Variants in P3H2 observed in about 807,000 individuals in gnomAD.
P3H2 encodes the protein leprecan-like 1.
In P3H2, 80 loss-of-function variants were observed where a neutral mutation model predicts 87.0. That is an observed-to-expected ratio of 0.92 (90% CI 0.77 to 1.11). The LOEUF (loss-of-function observed/expected upper bound fraction) is 1.11, where lower values mean the gene tolerates loss of function less well. P3H2 is among the 50% of genes least tolerant of loss of function. The probability of loss-of-function intolerance (pLI) is 0.00; values close to 1 mark genes in which losing one functional copy is unlikely to be tolerated. For missense variants in P3H2, 1,001 were observed against 923.9 expected (o/e 1.08, Z -1.08); for synonymous variants, 367 against 359.3 (o/e 1.02, Z -0.24).
intron 1 of P3H2, among the ~76,000 whole-genome samples, chr3:190,011,283 A>T (rs934435119): frequency 6.6e-6 from 1 of 151,992 alleles, no homozygotes; most frequent in African/African-American, 2.4e-5. Context: ...AAAAAAAAAA[A>T]AAAAATAGAG....
intron 1 of P3H2, among the ~76,000 whole-genome samples, chr3:190,066,611 C>T (rs1176916794): frequency 6.6e-6 from 1 of 151,876 alleles, no homozygotes; most frequent in Non-Finnish European, 1.5e-5. Flanking sequence ...TAACTGAACA[C>T]CACCTGTTCC....
intron 1 of P3H2, among the ~76,000 whole-genome samples, chr3:190,080,712 C>T (rs1727016607): frequency 6.6e-6 from 1 of 151,924 alleles, no homozygotes; most frequent in South Asian, 2.1e-4. Context: ...GAGATTTGAG[C>T]ATTTTTTCTA....
At chr3:190,090,624 A>C (rs1727378423) in intron 1 of P3H2, among the ~76,000 whole-genome samples, 1 of 152,084 alleles carries the variant, frequency 6.6e-6, no homozygotes, top group Non-Finnish European at 1.5e-5. Flanking sequence ...AATGGTGTGA[A>C]GCTGGGAGGC....
chr3:189,966,151 G>T (rs1006654701), intron 13 of P3H2, among the ~76,000 whole-genome samples: 1 of 141,652 alleles, frequency 7.1e-6, no homozygotes. Flanking sequence ...AAGAAAGAAA[G>T]AAAGAAAGAA....
intron 1 of P3H2, among the ~76,000 whole-genome samples, chr3:190,043,485 A>T (rs1205687877): frequency 6.6e-6 from 1 of 152,224 alleles, no homozygotes; most frequent in East Asian, 1.9e-4. Flanking sequence ...AGAACAGCAG[A>T]GTGCAGGTCA....
intron 1 of P3H2, among the ~76,000 whole-genome samples, chr3:190,107,771 C>G (rs1298120520): frequency 6.6e-6 from 1 of 152,138 alleles, no homozygotes; most frequent in African/African-American, 2.4e-5. Flanking sequence ...TGTTTCATAT[C>G]TTACTATACA....
At chr3:190,107,441 ACTC>A (rs1711890512) in intron 1 of P3H2, among the ~76,000 whole-genome samples, 1 of 152,078 alleles carries the variant, frequency 6.6e-6, no homozygotes, top group African/African-American at 2.4e-5. Context: ...CTATTTTCTC[ACTC>A]CTAATTTTAT....
At chr3:190,032,619 T>C (rs1439245206) in intron 1 of P3H2, among the ~76,000 whole-genome samples, 1 of 152,230 alleles carries the variant, frequency 6.6e-6, no homozygotes, top group East Asian at 1.9e-4. Flanking sequence ...TGGGTACATT[T>C]AGAGCTTTGG....
At chr3:190,046,241 G>C (rs1725800543) in intron 1 of P3H2, among the ~76,000 whole-genome samples, 1 of 151,882 alleles carries the variant, frequency 6.6e-6, no homozygotes, top group African/African-American at 2.4e-5. Flanking sequence ...TACATCTCTT[G>C]TGATCTATCT....
At chr3:190,066,340 C>T (rs1038902841) in intron 1 of P3H2, among the ~76,000 whole-genome samples, 3 of 151,828 alleles carry the variant, frequency 2.0e-5, no homozygotes, top group East Asian at 3.9e-4. Flanking sequence ...TTCACACCAA[C>T]CTGTATGGGA....
At chr3:189,968,302 T>A (rs2108905947) in intron 13 of P3H2, among the ~76,000 whole-genome samples, 1 of 152,246 alleles carries the variant, frequency 6.6e-6, no homozygotes, top group East Asian at 1.9e-4. Context: ...TGTCCATGTG[T>A]TCTCATTGTT....
chr3:190,014,107 A>G lies in P3H2; in HGVS notation c.481-18665T>C, dbSNP rs749042038. On this transcript the variant is annotated intron_variant, in intron 1 of 14. Transcript: ENST00000319332. ...CTTACAGGTGAGGAATTAGGGAATG[A>G]TTCATGAAGAATGTAACATTTGTGC... is the stretch of plus-strand genomic sequence containing the variant. 5.3e-5 allele frequency among the ~76,000 whole-genome samples: 8 copies of G among 152,232 alleles called. 1 individual carries two copies. Among genetic ancestry groups the G allele is most frequent in the Non-Finnish European group, 1.0e-4 (7 of 68,046 alleles).
At chr3:190,088,547 C>A (rs1379611974) in intron 1 of P3H2, among the ~76,000 whole-genome samples, 3 of 152,182 alleles carry the variant, frequency 2.0e-5, no homozygotes, top group African/African-American at 7.2e-5. Flanking sequence ...AAATTTGACT[C>A]TGTTATCATA....
Position 190,120,814 on chromosome 3 carries a change from C to T in P3H2, c.-83G>A. ...CGTCCGGGTCCCCTCTCCCACCTTC[C>T]CTCGGGGAAGCGCGCCGACTCCGCC... On this transcript the variant is annotated 5_prime_UTR_variant, in exon 1 of 15. Transcript: ENST00000319332. The T allele has an allele frequency of 6.8e-7, 1 of 1,470,296 alleles. No individual in the cohort carries two copies. The highest frequency in any genetic ancestry group is 9.0e-7 in the Non-Finnish European group (1 of 1,114,360). 91.1% of individuals were successfully genotyped at this position (1,470,296 alleles called of 1,614,324 possible).
intron 1 of P3H2, among the ~76,000 whole-genome samples, chr3:190,084,946 CA>C (rs1410165263): frequency 7.9e-6 from 1 of 127,074 alleles, no homozygotes; most frequent in Non-Finnish European, 1.7e-5. Context: ...CTAAGAGAAA[CA>C]AACAAAAAAA....
At chr3:190,055,942 A>G (rs1251081265) in intron 1 of P3H2, among the ~76,000 whole-genome samples, 8 of 152,198 alleles carry the variant, frequency 5.3e-5, no homozygotes, top group Non-Finnish European at 1.2e-4. Flanking sequence ...AAATTCATAT[A>G]TTGAAGCTCT....
At chr3:190,115,717 G>C (rs1712263868) in intron 1 of P3H2, among the ~76,000 whole-genome samples, 1 of 152,178 alleles carries the variant, frequency 6.6e-6, no homozygotes, top group Non-Finnish European at 1.5e-5. Flanking sequence ...TGACCAGCCA[G>C]GAAGCCAAAC....
At chr3:190,041,193 G>A (rs1179275219) in intron 1 of P3H2, among the ~76,000 whole-genome samples, 3 of 142,054 alleles carry the variant, frequency 2.1e-5, no homozygotes, top group African/African-American at 7.7e-5. Flanking sequence ...GATCATTTGA[G>A]CCTAGGAGGT....
chr3:189,962,779 T>C (rs1238775672), intron 14 of P3H2, among the ~76,000 whole-genome samples: 4 of 152,164 alleles, frequency 2.6e-5, no homozygotes, highest in Admixed American at 1.3e-4. Flanking sequence ...ACTTTGTAAG[T>C]TAGATTTGAT....
Sources: allele counts gnomAD v4.1 joint callset (sites outside exome capture counted in the v4.1 genomes callset), GRCh38; gene constraint gnomAD v4.1.1; transcripts MANE v1.5; gene names NCBI Gene and HGNC (gene_info 2026-07-23, HGNC 2026-07-21).